The following ORC5 variants were observed in gnomAD, a reference collection of about 807,000 sequenced individuals.
The protein encoded by ORC5 is protein phosphatase 1, regulatory subunit 117.
ORC5 carries 39 observed loss-of-function variants against 58.8 expected under a neutral mutation model. The observed-to-expected ratio is 0.66, with a 90% CI of 0.51 to 0.87. The LOEUF (loss-of-function observed/expected upper bound fraction) is 0.87, where lower values mean the gene tolerates loss of function less well. Ranked by LOEUF, ORC5 falls within the 40% of genes least tolerant of loss-of-function variation. ORC5 has a pLI of 0.00. For missense variants in ORC5, 493 were observed against 506.3 expected (o/e 0.97, Z 0.25); for synonymous variants, 218 against 177.6 (o/e 1.23, Z -1.81).
intron 8 of ORC5, among the ~76,000 whole-genome samples, chr7:104,179,860 G>C (rs997317276): frequency 6.6e-6 from 1 of 152,122 alleles, no homozygotes; most frequent in Non-Finnish European, 1.5e-5. Flanking sequence ...CCTTGAGAAA[G>C]TACACCTTTA....
intron 12 of ORC5, among the ~76,000 whole-genome samples, chr7:104,141,578 A>G (rs1798673216): frequency 6.6e-6 from 1 of 152,228 alleles, no homozygotes; most frequent in Admixed American, 6.5e-5. Flanking sequence ...TGTTCTAAAT[A>G]TTTATAACTA....
intron 1 of ORC5, 119 bp downstream of exon 1, chr7:104,207,714 T>C (rs1014509582): frequency 1.2e-6 from 1 of 832,308 alleles, no homozygotes; most frequent in South Asian, 1.6e-5. Context: ...CACCCCTATT[T>C]AACGTAAAAA....
At chr7:104,148,248 AG>A (rs577076356) in intron 12 of ORC5, among the ~76,000 whole-genome samples, 90 of 152,344 alleles carry the variant, frequency 5.9e-4, no homozygotes, top group African/African-American at 2.0e-3. Flanking sequence ...GGTTAAGAAC[AG>A]CACTGGCTTT....
intron 6 of ORC5, among the ~76,000 whole-genome samples, chr7:104,184,722 AG>A (rs201299061): frequency 0.015 from 2,253 of 152,306 alleles, 58 homozygotes; most frequent in African/African-American, 0.051. Flanking sequence ...GCATCTGTAG[AG>A]GAAATAAGAA....
chr7:104,145,487 C>T (rs1798740333), intron 12 of ORC5, among the ~76,000 whole-genome samples: 1 of 151,922 alleles, frequency 6.6e-6, no homozygotes, highest in Non-Finnish European at 1.5e-5. Context: ...TTTTTTAGCA[C>T]TAATTTACAG....
At chr7:104,174,143 C>T (rs1338082355) in intron 8 of ORC5, among the ~76,000 whole-genome samples, 3 of 152,232 alleles carry the variant, frequency 2.0e-5, no homozygotes, top group African/African-American at 7.2e-5. Context: ...CGCGCCCGGC[C>T]GTAAAATTTT....
chr7:104,186,294 G>A (rs1032798880), intron 6 of ORC5, among the ~76,000 whole-genome samples: 1 of 152,000 alleles, frequency 6.6e-6, no homozygotes, highest in Non-Finnish European at 1.5e-5. Context: ...GTATATGGAG[G>A]GCTAACTTTT....
At chr7:104,188,228 A>ATC (rs756963717) in intron 6 of ORC5, 23 bp downstream of exon 6, 30 of 1,569,168 alleles carry the variant, frequency 1.9e-5, no homozygotes, top group Non-Finnish European at 2.5e-5. Flanking sequence ...ATATATATAT[A>ATC]TTCAAGCAAA....
chr7:104,126,871 T>A lies in ORC5; in HGVS notation c.1285A>T (p.Lys429Ter). ...IARTVNFDII[K>*]YLYDFL is the part of the protein sequence containing the mutation. Reference sequence around the variant, plus strand: ...TTTCACAAGAAATCATACAAGTATTTTATTATGTCAAAGTTCACCGTCCTA... The same window carrying A: ...TTTCACAAGAAATCATACAAGTATTATATTATGTCAAAGTTCACCGTCCTA... The change falls in exon 14 of 14, where the codon AAA (lysine) becomes TAA (stop). Residue 429 changes from lysine (K) to a stop codon, truncating the protein, a stop_gained. Transcript: ENST00000297431. LOFTEE classifies it high-confidence loss of function. 6.2e-7 allele frequency: 1 copy of A among 1,608,072 alleles called. No individual in the cohort carries two copies. Among genetic ancestry groups the A allele is most frequent in the Non-Finnish European group, 8.5e-7 (1 of 1,175,686 alleles).
chr7:104,134,370 G>A (rs751183878), intron 13 of ORC5, among the ~76,000 whole-genome samples: 2 of 129,974 alleles, frequency 1.5e-5, no homozygotes, highest in African/African-American at 3.0e-5. Context: ...AGCCAAGATC[G>A]CACTACTGTA....
intron 13 of ORC5, among the ~76,000 whole-genome samples, chr7:104,134,711 G>A (rs1798562993): frequency 6.6e-6 from 1 of 152,166 alleles, no homozygotes; most frequent in African/African-American, 2.4e-5. Context: ...AAGTCCAGGG[G>A]AAGCAGCATC....
intron 9 of ORC5, among the ~76,000 whole-genome samples, chr7:104,167,840 T>A (rs1244041813): frequency 6.6e-6 from 1 of 152,162 alleles, no homozygotes; most frequent in African/African-American, 2.4e-5. Flanking sequence ...CTGGCATCTA[T>A]CCCTTTTCCT....
At chr7:104,190,657 T>C (rs1799654998) in intron 5 of ORC5, among the ~76,000 whole-genome samples, 1 of 152,124 alleles carries the variant, frequency 6.6e-6, no homozygotes, top group Non-Finnish European at 1.5e-5. Flanking sequence ...TCATTCCTTA[T>C]TGTAAGATCC....
At chr7:104,188,530 A>G (rs1452054437) in intron 5 of ORC5, 149 bp from the exon 6 acceptor site, 2 of 553,710 alleles carry the variant, frequency 3.6e-6, no homozygotes, top group Non-Finnish European at 6.3e-6. Context: ...TTAGAATACA[A>G]AAGTGTGATT....
chr7:104,189,331 G>A (rs564194328), intron 5 of ORC5, among the ~76,000 whole-genome samples: 12 of 152,138 alleles, frequency 7.9e-5, no homozygotes, highest in Non-Finnish European at 1.3e-4. Flanking sequence ...GGAAAATGCC[G>A]GATACTTATA....
intron 8 of ORC5, among the ~76,000 whole-genome samples, chr7:104,177,250 C>A (rs1245261830): frequency 6.6e-6 from 1 of 152,168 alleles, no homozygotes; most frequent in African/African-American, 2.4e-5. Flanking sequence ...CATTAAATGT[C>A]TGAATCACTT....
intron 9 of ORC5, 66 bp downstream of exon 9, chr7:104,168,402 ATTAAC>A (rs1161881245): frequency 1.9e-6 from 3 of 1,570,114 alleles, no homozygotes; most frequent in Admixed American, 1.8e-5. Flanking sequence ...GCTCTTTAGT[ATTAAC>A]TTTAGTATCT....
chr7:104,177,510 T>G (rs1340726620), intron 8 of ORC5, among the ~76,000 whole-genome samples: 1 of 152,176 alleles, frequency 6.6e-6, no homozygotes, highest in Non-Finnish European at 1.5e-5. Context: ...CATATATAAT[T>G]CTGTACACAA....
intron 12 of ORC5, among the ~76,000 whole-genome samples, chr7:104,147,899 C>T (rs1798787593): frequency 6.6e-6 from 1 of 152,112 alleles, no homozygotes; most frequent in African/African-American, 2.4e-5. Flanking sequence ...GTGCTTTTAT[C>T]TTTTTTTCTG....
Sources: allele counts gnomAD v4.1 joint callset (sites outside exome capture counted in the v4.1 genomes callset), GRCh38; gene constraint gnomAD v4.1.1; transcripts MANE v1.5; gene names NCBI Gene and HGNC (gene_info 2026-07-23, HGNC 2026-07-21).